CSMD1: variants seen among roughly 807,000 people sequenced by gnomAD.
CSMD1 encodes the protein CUB and sushi domain-containing protein 1.
CSMD1 carries 213 observed loss-of-function variants against 417.5 expected under a neutral mutation model. The observed-to-expected ratio is 0.51, with a 90% CI of 0.46 to 0.57. The LOEUF (loss-of-function observed/expected upper bound fraction) is 0.57. Ranked by LOEUF, CSMD1 falls within the 20% of genes least tolerant of loss-of-function variation. CSMD1 has a pLI of 0.00. For missense variants in CSMD1, 6,923 were observed against 4,529.7 expected (o/e 1.53, Z -15.17); for synonymous variants, 2,862 against 1,736.8 (o/e 1.65, Z -16.11).
chr8:4,179,764 G>T (rs1369297511), intron 3 of CSMD1, among the ~76,000 whole-genome samples: 1 of 147,048 alleles, frequency 6.8e-6, no homozygotes, highest in East Asian at 2.0e-4. Context: ...AAAAAGTGGT[G>T]AACAATATGA....
intron 3 of CSMD1, among the ~76,000 whole-genome samples, chr8:4,332,843 T>G (rs1015701708): frequency 2.0e-5 from 3 of 150,822 alleles, no homozygotes; most frequent in Admixed American, 6.6e-5. Flanking sequence ...GCTGATGAAA[T>G]GTTTTTTCCC....
intron 33 of CSMD1, among the ~76,000 whole-genome samples, chr8:3,197,185 G>T (rs957959970): frequency 6.6e-6 from 1 of 152,158 alleles, no homozygotes; most frequent in Non-Finnish European, 1.5e-5. Flanking sequence ...AGGATGACAT[G>T]GAGGGTGGGA....
At chr8:4,504,281 G>A (rs2130302077) in intron 2 of CSMD1, among the ~76,000 whole-genome samples, 2 of 152,286 alleles carry the variant, frequency 1.3e-5, no homozygotes, top group East Asian at 1.9e-4. Flanking sequence ...ACAATGCACA[G>A]AAGCAGAGAA....
intron 2 of CSMD1, among the ~76,000 whole-genome samples, chr8:4,517,042 G>C (rs956950827): frequency 1.3e-4 from 20 of 152,142 alleles, no homozygotes; most frequent in African/African-American, 1.9e-4. Context: ...TAATTATTTA[G>C]ATCTCTGTTT....
intron 23 of CSMD1, among the ~76,000 whole-genome samples, chr8:3,333,248 G>T (rs375984935): frequency 6.6e-6 from 1 of 152,204 alleles, no homozygotes; most frequent in Admixed American, 6.5e-5. Flanking sequence ...CAGCCAAGCC[G>T]TGTCTGGGCT....
intron 37 of CSMD1, among the ~76,000 whole-genome samples, chr8:3,176,732 G>A (rs979419806): frequency 1.3e-5 from 2 of 151,916 alleles, no homozygotes; most frequent in South Asian, 2.1e-4. Context: ...TGCGTGGCAG[G>A]TACCCTGGTG....
intron 7 of CSMD1, among the ~76,000 whole-genome samples, chr8:3,630,612 G>C (rs939834977): frequency 2.0e-5 from 3 of 152,138 alleles, no homozygotes; most frequent in Non-Finnish European, 2.9e-5. Flanking sequence ...TGAAGTGTTG[G>C]GCTGGCATGC....
chr8:4,273,124 G>A (rs915375862), intron 3 of CSMD1, among the ~76,000 whole-genome samples: 1 of 152,090 alleles, frequency 6.6e-6, no homozygotes, highest in South Asian at 2.1e-4. Context: ...AGAGCCAAAT[G>A]ATAGAGGGAA....
intron 7 of CSMD1, among the ~76,000 whole-genome samples, chr8:3,650,592 A>G (rs1489654272): frequency 6.6e-6 from 1 of 152,158 alleles, no homozygotes; most frequent in Non-Finnish European, 1.5e-5. Flanking sequence ...TTCTGAGTAC[A>G]TATGATGCTT....
rs147315629 is a variant in CSMD1 at position 3,689,648 on chromosome 8, T to A, written c.1009+18766A>T. Among the ~76,000 whole-genome samples the A allele has an allele frequency of 2.4e-4, 37 of 152,312 alleles. No homozygotes were observed. In the East Asian group the frequency reaches 6.4e-3, roughly 26 times the overall value. ...GTGCTTACTATGTGGCAGGCCTGGT[T>A]CTGAAGGCCTTACACGAGTCATCTC... On this transcript the variant is annotated intron_variant, in intron 7 of 69. Transcript: ENST00000635120.
intron 20 of CSMD1, among the ~76,000 whole-genome samples, chr8:3,362,922 A>C (rs1435425462): frequency 6.6e-6 from 1 of 152,236 alleles, no homozygotes; most frequent in African/African-American, 2.4e-5. Context: ...TTGTCTTTCA[A>C]GTAAACATTG....
chr8:4,525,923 G>C (rs1275639267), intron 2 of CSMD1, among the ~76,000 whole-genome samples: 1 of 152,114 alleles, frequency 6.6e-6, no homozygotes, highest in Non-Finnish European at 1.5e-5. Context: ...GTAACCACCT[G>C]AGACCAGGGG....
intron 17 of CSMD1, 59 bp from the exon 18 acceptor site, chr8:3,387,741 G>C (rs1811100353): frequency 3.6e-6 from 5 of 1,372,358 alleles, no homozygotes; most frequent in Non-Finnish European, 4.0e-6. Context: ...GAAAATAATA[G>C]AGACCCACGC....
intron 48 of CSMD1, 38 bp from the exon 49 acceptor site, chr8:3,087,323 A>G (rs1814610980): frequency 6.2e-7 from 1 of 1,600,980 alleles, no homozygotes; most frequent in African/African-American, 1.3e-5. Flanking sequence ...TAAGTCAACA[A>G]GCAAACAAAT....
chr8:3,037,661 G>A (rs1290246632), intron 50 of CSMD1, among the ~76,000 whole-genome samples: 1 of 152,084 alleles, frequency 6.6e-6, no homozygotes, highest in African/African-American at 2.4e-5. Context: ...GGATTCTTAA[G>A]GACAAAAGTT....
intron 3 of CSMD1, among the ~76,000 whole-genome samples, chr8:4,394,863 C>G (rs1354676133): frequency 6.6e-6 from 1 of 152,054 alleles, no homozygotes; most frequent in Non-Finnish European, 1.5e-5. Flanking sequence ...GCTAGAGAGT[C>G]CGATACAACC....
At chr8:4,028,351 T>G (rs1271800084) in intron 4 of CSMD1, among the ~76,000 whole-genome samples, 1 of 152,122 alleles carries the variant, frequency 6.6e-6, no homozygotes, top group Non-Finnish European at 1.5e-5. Flanking sequence ...TTATGAAGAT[T>G]AAATTTGCTA....
chr8:4,171,950 T>C (rs982184650), intron 3 of CSMD1, among the ~76,000 whole-genome samples: 2 of 152,200 alleles, frequency 1.3e-5, no homozygotes, highest in African/African-American at 4.8e-5. Context: ...TTGTGTTCTT[T>C]CTTGCATAAT....
chr8:3,096,402 T>A (rs916165264), intron 47 of CSMD1, among the ~76,000 whole-genome samples: 10 of 152,182 alleles, frequency 6.6e-5, no homozygotes, highest in Admixed American at 3.3e-4. Flanking sequence ...CCACAAGATC[T>A]GATGGTTTTA....
Sources: allele counts gnomAD v4.1 joint callset (sites outside exome capture counted in the v4.1 genomes callset), GRCh38; gene constraint gnomAD v4.1.1; transcripts MANE v1.5; gene names NCBI Gene and HGNC (gene_info 2026-07-23, HGNC 2026-07-21).